NPIPA9: variants seen among roughly 807,000 people sequenced by gnomAD.
NPIPA9 encodes nuclear pore complex-interacting protein family member A9.
At chr16:18,375,172 T>C in intron 1 of NPIPA9, 103 bp from the exon 2 acceptor site, 2 of 536,496 alleles carry the variant, frequency 3.7e-6, no homozygotes, top group East Asian at 3.2e-5. Flanking sequence ...CGGTGCCATC[T>C]GACAGAATGT....
chr16:18,375,210 T>G lies in NPIPA9; in HGVS notation c.-307-141A>C, dbSNP rs1900588322. The G allele has an allele frequency of 9.6e-6, 5 of 519,356 alleles. 2 individuals carry two copies. In the East Asian group the frequency reaches 1.6e-4, roughly 17 times the overall value. The allele number at this position is 519,356 out of a possible 1,614,324, so 32.2% of individuals were successfully genotyped here. On this transcript the variant is annotated intron_variant, in intron 1 of 9. Coordinates refer to ENST00000427999, the Ensembl canonical transcript of NPIPA9. ...TAGAATGCTAGATATATGGGACATC[T>G]GCACCGTCCGTGATGGCAGCCCCTC...
intron 4 of NPIPA9, among the ~76,000 whole-genome samples, chr16:18,365,091 A>ATCC: frequency 1.3e-5 from 1 of 76,292 alleles, no homozygotes; most frequent in South Asian, 4.6e-4. Context: ...CCTCACCAAC[A>ATCC]TGGAGAAACG....
chr16:18,371,451 T>TAAAAAAAAA (rs778066038), intron 3 of NPIPA9, among the ~76,000 whole-genome samples: 2 of 56,642 alleles, frequency 3.5e-5, no homozygotes, highest in African/African-American at 1.5e-4. Flanking sequence ...GACTCTGTCT[T>TAAAAAAAAA]AAAAAAAAAA....
rs1367460385 is a variant in NPIPA9, at chr16:18,374,976, TGAGG to T, written c.-218_-215del. The T allele has an allele frequency of 1.7e-3, 959 of 579,098 alleles. 110 individuals are homozygous for T. The highest frequency in any genetic ancestry group is 1.7e-3 in the Non-Finnish European group (586 of 338,564). 35.9% of individuals were successfully genotyped at this position (579,098 alleles called of 1,614,324 possible). A position where few individuals can be genotyped will look rare whatever the true frequency, so the allele number is the denominator to read the frequency against. ...ACCTCAGCGTGGAGGCCTGAGAACG[TGAGG>T]AAGGAGCTGTCCAGCACGGATGAGT... On this transcript the variant is annotated 5_prime_UTR_variant, in exon 2 of 10. An upstream open reading frame in the 5' UTR gains an earlier in-frame stop. Transcript: ENST00000427999.
At chr16:18,370,606 G>A (rs371571379) in intron 3 of NPIPA9, among the ~76,000 whole-genome samples, 4 of 67,624 alleles carry the variant, frequency 5.9e-5, no homozygotes, top group South Asian at 6.4e-4. Flanking sequence ...TTAGAGAACC[G>A]TACAACAATG....
At chr16:18,365,140 G>A (rs1193208051) in intron 4 of NPIPA9, among the ~76,000 whole-genome samples, 26 of 82,460 alleles carry the variant, frequency 3.2e-4, no homozygotes, top group African/African-American at 1.8e-3. Context: ...CAGGCATGGT[G>A]GTGCATGCCT....
rs1423908716 is a variant in NPIPA9 at position 18,375,389 on chromosome 16, C to T, written c.-307-320G>A. Among the ~76,000 whole-genome samples the T allele has an allele frequency of 4.2e-5, 6 of 143,754 alleles. No homozygotes were observed. In the East Asian group the frequency reaches 6.2e-4, roughly 15 times the overall value. 94.3% of individuals were successfully genotyped at this position (143,754 alleles called of 152,430 possible). A position where few individuals can be genotyped will look rare whatever the true frequency, so the allele number is the denominator to read the frequency against. ...TCAGCTCACTGCAACCTCCACCTCCCGCGTTCAGGCGATTGTCCGTCCTGG... is the reference window on the plus strand; with the variant it reads ...TCAGCTCACTGCAACCTCCACCTCCTGCGTTCAGGCGATTGTCCGTCCTGG... On this transcript the variant is annotated intron_variant, in intron 1 of 9. Coordinates refer to ENST00000427999, the Ensembl canonical transcript of NPIPA9.
intron 1 of NPIPA9, 97 bp from the exon 2 acceptor site, chr16:18,375,166 G>T: frequency 1.9e-6 from 1 of 537,692 alleles, no homozygotes; most frequent in Non-Finnish European, 3.2e-6. Context: ...AGAGCCCGGT[G>T]CCATCTGACA....
At position 18,371,537 on chromosome 16, in the gene NPIPA9, T is replaced by G. The variant is rs369952483; in HGVS notation, c.63+1186A>C. On this transcript the variant is annotated intron_variant, in intron 3 of 9. Transcript: ENST00000427999. ...TTCACTTTGTTTTGGTCCGTTTTGT[T>G]TGTTAGAGACAAGAGTGCAGCGGGG... Among the ~76,000 whole-genome samples, 17 of 125,044 alleles carry G rather than the reference T, an allele frequency of 1.4e-4. No homozygotes were observed. In the East Asian group the frequency reaches 2.2e-3, roughly 16 times the overall value. The allele number at this position is 125,044 out of a possible 152,430, so 82.0% of individuals were successfully genotyped here. A position where few individuals can be genotyped will look rare whatever the true frequency, so the allele number is the denominator to read the frequency against.
chr16:18,369,808 T>C, intron 3 of NPIPA9, among the ~76,000 whole-genome samples: 1 of 101,910 alleles, frequency 9.8e-6, no homozygotes, highest in Non-Finnish European at 1.8e-5. Context: ...TTACTTGTTT[T>C]TTAAATTGAT....
intron 4 of NPIPA9, among the ~76,000 whole-genome samples, chr16:18,364,974 A>C (rs1381086428): frequency 3.7e-4 from 51 of 136,332 alleles, no homozygotes; most frequent in South Asian, 2.3e-4. Flanking sequence ...CACACAACAC[A>C]ACACACAAGA....
intron 3 of NPIPA9, chr16:18,371,374 C>T (rs1462635272): frequency 5.9e-6 from 1 of 168,318 alleles, no homozygotes; most frequent in African/African-American, 4.4e-5. Flanking sequence ...ATTGCTTGAA[C>T]CCCGGAAGCG....
intron 3 of NPIPA9, among the ~76,000 whole-genome samples, chr16:18,372,258 G>A (rs948325638): frequency 5.3e-4 from 1 of 1,892 alleles, no homozygotes; most frequent in African/African-American, 1.8e-3. Context: ...TTCAAATTAA[G>A]TTCTCAAGCG....
At chr16:18,371,447 G>C (rs1203333178) in intron 3 of NPIPA9, 8 of 160,654 alleles carry the variant, frequency 5.0e-5, no homozygotes, top group Middle Eastern at 5.0e-3. Context: ...ATGAGACTCT[G>C]TCTTAAAAAA....
chr16:18,363,688 C>CTGGGTG (rs1900476062), intron 6 of NPIPA9, among the ~76,000 whole-genome samples: 1 of 15,436 alleles, frequency 6.5e-5, no homozygotes, highest in Admixed American at 6.4e-4. Flanking sequence ...AAAAAAAAAG[C>CTGGGTG]CTGGGTGTGG....
At chr16:18,370,252 T>G (rs1900524188) in intron 3 of NPIPA9, among the ~76,000 whole-genome samples, 1 of 121,536 alleles carries the variant, frequency 8.2e-6, no homozygotes, top group Admixed American at 9.1e-5. Flanking sequence ...ATCGCACCAC[T>G]GCACTTCAGC....
chr16:18,375,297 T>C, intron 1 of NPIPA9, among the ~76,000 whole-genome samples: 2 of 147,336 alleles, frequency 1.4e-5, no homozygotes, highest in Non-Finnish European at 1.5e-5. Context: ...GAGTTTTAAA[T>C]TTCATTTTTT....
At position 18,374,477 on chromosome 16, in the gene NPIPA9, G is replaced by A. The variant is rs1006153988; in HGVS notation, c.-70+355C>T. On this transcript the variant is annotated intron_variant, in intron 2 of 9. Transcript: ENST00000427999. The stretch of plus-strand genomic sequence containing the variant: ...AAAAAAAGAAGAAGCCCTAGATTTC[G>A]GTTGTGTTGGTTGTAAAAGGAGAGA... 230 of 542,712 alleles carry A rather than the reference G, an allele frequency of 4.2e-4. 20 individuals carry two copies. Among genetic ancestry groups the A allele is most frequent in the Middle Eastern group, 3.3e-3 (6 of 1,802 alleles). The allele number at this position is 542,712 out of a possible 1,614,324, so 33.6% of individuals were successfully genotyped here. A position where few individuals can be genotyped will look rare whatever the true frequency, so the allele number is the denominator to read the frequency against.
At chr16:18,375,628 T>C (rs1408221154) in intron 1 of NPIPA9, among the ~76,000 whole-genome samples, 32 of 123,206 alleles carry the variant, frequency 2.6e-4, no homozygotes, top group African/African-American at 9.4e-4. Flanking sequence ...TTAACTTAAA[T>C]ACGAGCAGCC....
Sources: gnomAD v4.1 joint callset for allele counts (sites outside exome capture counted in the v4.1 genomes callset) on GRCh38, gnomAD v4.1.1 for gene constraint, MANE v1.5 for transcripts, NCBI Gene and HGNC (gene_info 2026-07-23, HGNC 2026-07-21) for gene names.